The following KCNIP4 variants were observed in gnomAD, a reference collection of about 807,000 sequenced individuals.
KCNIP4 encodes the protein Kv channel-interacting protein 4.
Under a neutral mutation model 34.0 loss-of-function variants are expected in KCNIP4, and 12 were observed. That is an observed-to-expected ratio of 0.35 (90% CI 0.23 to 0.57). The LOEUF is 0.57. KCNIP4 is among the 20% of genes least tolerant of loss of function. The pLI, the probability that KCNIP4 is intolerant of heterozygous loss-of-function variation, is 0.83. For synonymous variants in KCNIP4, 124 were observed against 102.2 expected, an observed-to-expected ratio of 1.21 and a Z score of -1.29; for missense variants, 238 against 311.7, an observed-to-expected ratio of 0.76 and a Z score of 1.78.
At chr4:20,847,887 T>C (rs1173335304) in intron 3 of KCNIP4, among the ~76,000 whole-genome samples, 1 of 152,136 alleles carries the variant, frequency 6.6e-6, no homozygotes, top group Non-Finnish European at 1.5e-5. Flanking sequence ...ATCCCAACTG[T>C]TTCCAGGGAA....
intron 1 of KCNIP4, among the ~76,000 whole-genome samples, chr4:21,278,921 T>C (rs1039848052): frequency 6.6e-6 from 1 of 152,202 alleles, no homozygotes; most frequent in Non-Finnish European, 1.5e-5. Flanking sequence ...TAGTATTACA[T>C]GACTGTAATA....
chr4:21,792,456 C>T (rs1720359339), intron 1 of KCNIP4, among the ~76,000 whole-genome samples: 2 of 152,242 alleles, frequency 1.3e-5, no homozygotes, highest in South Asian at 2.1e-4. Context: ...GAAGTCAAAA[C>T]TTACTGATTT....
chr4:21,010,653 T>A (rs1298417414), intron 1 of KCNIP4, among the ~76,000 whole-genome samples: 1 of 152,200 alleles, frequency 6.6e-6, no homozygotes, highest in Non-Finnish European at 1.5e-5. Flanking sequence ...ATAAGATGCC[T>A]TCACCACCAG....
intron 1 of KCNIP4, among the ~76,000 whole-genome samples, chr4:20,995,437 A>G (rs1363985124): frequency 6.6e-6 from 1 of 152,128 alleles, no homozygotes; most frequent in Non-Finnish European, 1.5e-5. Context: ...GCCATCTCTG[A>G]GGTATTTCGA....
chr4:21,408,406 A>C (rs1238286920), intron 1 of KCNIP4, among the ~76,000 whole-genome samples: 1 of 152,168 alleles, frequency 6.6e-6, no homozygotes, highest in African/African-American at 2.4e-5. Context: ...AGATTCTGCA[A>C]GGAGGCACAG....
chr4:20,824,861 T>C (rs1717541768), intron 3 of KCNIP4, among the ~76,000 whole-genome samples: 1 of 152,198 alleles, frequency 6.6e-6, no homozygotes, highest in South Asian at 2.1e-4. Flanking sequence ...ATATCCTAGA[T>C]AACCCAGATA....
chr4:21,134,083 C>A lies in KCNIP4; in HGVS notation c.62-251374G>T, dbSNP rs151057039. ...TCTAACTTGAGTTCTCAAAATGAGA[C>A]TAAATTTGTTCTGAGGTCTCCCCAG... On this transcript the variant is annotated intron_variant, in intron 1 of 8. Coordinates refer to ENST00000382152, the MANE Select transcript of KCNIP4 (RefSeq NM_025221.6). Among the ~76,000 whole-genome samples the A allele has an allele frequency of 4.7e-3, 713 of 152,260 alleles. 7 individuals carry two copies. Among genetic ancestry groups the A allele is most frequent in the African/African-American group, 0.016 (674 of 41,550 alleles).
chr4:20,956,097 A>G (rs1405792101), intron 1 of KCNIP4, among the ~76,000 whole-genome samples: 1 of 152,140 alleles, frequency 6.6e-6, no homozygotes, highest in Admixed American at 6.5e-5. Context: ...TTTGACAGGG[A>G]TCTATCTTTC....
At chr4:20,883,270 A>C (rs17632912) in intron 1 of KCNIP4, among the ~76,000 whole-genome samples, 24,365 of 152,198 alleles carry the variant, frequency 0.16, 2,155 homozygotes, top group Middle Eastern at 0.21. Context: ...GCATATACTG[A>C]CATGCCCAGA....
intron 1 of KCNIP4, among the ~76,000 whole-genome samples, chr4:21,725,508 G>C (rs536076800): frequency 6.6e-6 from 1 of 152,204 alleles, no homozygotes; most frequent in African/African-American, 2.4e-5. Flanking sequence ...TATCTATGAT[G>C]CATCTGGCTC....
chr4:21,889,590 ATTTGAGCTGATAGC>A (rs1726974165), intron 1 of KCNIP4, among the ~76,000 whole-genome samples: 1 of 152,110 alleles, frequency 6.6e-6, no homozygotes, highest in African/African-American at 2.4e-5. Context: ...GGGGAGTGAC[ATTTGAGCTGATAGC>A]TTAAGTACGA....
At chr4:21,361,615 G>C (rs1308022154) in intron 1 of KCNIP4, among the ~76,000 whole-genome samples, 1 of 151,674 alleles carries the variant, frequency 6.6e-6, no homozygotes, top group Non-Finnish European at 1.5e-5. Context: ...GCTGTGCCTA[G>C]AGAACTAGTT....
In KCNIP4 at chr4:21,839,699, G is replaced by T. The variant is rs183780703; in HGVS notation, c.61+108872C>A. On this transcript the variant is annotated intron_variant, in intron 1 of 8. Transcript: ENST00000382152. ...ACCTGGGAGGTGGAGGAGGTTGGGTGAGCTGAGATCGCACCACTGCACTCC... is the reference window on the plus strand; with the variant it reads ...ACCTGGGAGGTGGAGGAGGTTGGGTTAGCTGAGATCGCACCACTGCACTCC... Among the ~76,000 whole-genome samples the T allele has an allele frequency of 4.0e-3, 612 of 152,266 alleles. 4 individuals carry two copies. The highest frequency in any genetic ancestry group is 0.014 in the African/African-American group (583 of 41,558).
At chr4:21,751,757 C>G (rs970177236) in intron 1 of KCNIP4, among the ~76,000 whole-genome samples, 2 of 151,986 alleles carry the variant, frequency 1.3e-5, no homozygotes, top group Non-Finnish European at 2.9e-5. Flanking sequence ...GAAATCACAA[C>G]TGGGTTGAAC....
chr4:21,084,438 G>C (rs778517571), intron 1 of KCNIP4, among the ~76,000 whole-genome samples: 2 of 149,536 alleles, frequency 1.3e-5, no homozygotes, highest in Admixed American at 6.6e-5. Flanking sequence ...ATGACATTAC[G>C]TGGGCTATGA....
chr4:21,640,274 G>A (rs1746515867), intron 1 of KCNIP4, among the ~76,000 whole-genome samples: 1 of 152,152 alleles, frequency 6.6e-6, no homozygotes, highest in Non-Finnish European at 1.5e-5. Flanking sequence ...GCCACCCCAG[G>A]ATTCAATTAC....
At chr4:21,821,409 C>A (rs989505358) in intron 1 of KCNIP4, among the ~76,000 whole-genome samples, 6 of 152,122 alleles carry the variant, frequency 3.9e-5, no homozygotes, top group Non-Finnish European at 8.8e-5. Flanking sequence ...ATACATTTCA[C>A]TGGGGAAAGA....
chr4:21,289,071 G>A lies in KCNIP4; in HGVS notation c.62-406362C>T, dbSNP rs191776300. On this transcript the variant is annotated intron_variant, in intron 1 of 8. Coordinates refer to ENST00000382152, the MANE Select transcript of KCNIP4 (RefSeq NM_025221.6). ...ATTCAACACAGTGTGCTTTTAGGGG[G>A]AAATTGTCTTTGGACTTCAGTTCTG... Among the ~76,000 whole-genome samples the A allele has an allele frequency of 2.3e-3, 346 of 152,272 alleles. 2 individuals are homozygous for A. Among genetic ancestry groups the A allele is most frequent in the Middle Eastern group, 0.02 (6 of 294 alleles).
chr4:21,735,571 T>G (rs1004359913), intron 1 of KCNIP4, among the ~76,000 whole-genome samples: 1 of 152,168 alleles, frequency 6.6e-6, no homozygotes, highest in Non-Finnish European at 1.5e-5. Flanking sequence ...TGGGAGGATT[T>G]GCACTCAGGA....
Sources: allele counts gnomAD v4.1 joint callset (sites outside exome capture counted in the v4.1 genomes callset), GRCh38; gene constraint gnomAD v4.1.1; transcripts MANE v1.5; gene names NCBI Gene and HGNC (gene_info 2026-07-23, HGNC 2026-07-21).